The following NMRAL1 variants were observed in gnomAD, a reference collection of about 807,000 sequenced individuals.
NMRAL1 encodes nmrA-like family domain-containing protein 1.
In NMRAL1, 32 loss-of-function variants were observed where a neutral mutation model predicts 27.5. The ratio of observed to expected loss-of-function variants is 1.16; its 90% CI spans 0.88 to 1.56. NMRAL1 has a LOEUF of 1.56. NMRAL1 is among the 40% of genes most tolerant of loss of function. The pLI, the probability that NMRAL1 is intolerant of heterozygous loss-of-function variation, is 0.00. For synonymous variants in NMRAL1, 166 were observed against 166.8 expected (o/e 1.00, Z 0.04); for missense variants, 420 against 392.0 (o/e 1.07, Z -0.60).
At position 4,469,214 on chromosome 16, in the gene NMRAL1, T is replaced by G. The variant is rs970815075; in HGVS notation, c.279+13A>C. 6.3e-7 allele frequency: 1 copy of G among 1,598,700 alleles called. No homozygotes were observed. Among genetic ancestry groups the G allele is most frequent in the African/African-American group, 1.3e-5 (1 of 74,582 alleles). ...CCTGGCCGGGCCTCCCTGCAGCTCCTGCCTGCCCTCACCTGCTTGACCTCC... is the reference window on the plus strand; with the variant it reads ...CCTGGCCGGGCCTCCCTGCAGCTCCGGCCTGCCCTCACCTGCTTGACCTCC... On this transcript the variant is annotated intron_variant, in intron 3 of 5. Coordinates refer to ENST00000283429, the MANE Select transcript of NMRAL1 (RefSeq NM_020677.6).
intron 3 of NMRAL1, among the ~76,000 whole-genome samples, chr16:4,467,900 A>G (rs1430096953): frequency 6.6e-6 from 1 of 151,992 alleles, no homozygotes; most frequent in Non-Finnish European, 1.5e-5. Context: ...GATTACAAGC[A>G]TGAGCCACTG....
chr16:4,466,671 G>A (rs182585520), intron 3 of NMRAL1: 76 of 486,562 alleles, frequency 1.6e-4, no homozygotes, highest in African/African-American at 1.3e-3. Flanking sequence ...GCAGGGGGAC[G>A]GCCTGCATGG....
In NMRAL1 at chr16:4,461,805, T is replaced by G; in HGVS notation, c.875A>C (p.His292Pro). The G allele has an allele frequency of 6.2e-7, 1 of 1,613,950 alleles. No individual in the cohort carries two copies. The highest frequency in any genetic ancestry group is 8.5e-7 in the Non-Finnish European group (1 of 1,179,914). ...TCACAGCAGGTTGAAGTCCCCTTTG[T>G]GCTGTTCCAGCCACTGGTCCAGCGT... ...ALTLDQWLEQ[H>P]KGDFNLL The change falls in exon 6 of 6, where the codon CAC (histidine) becomes CCC (proline). Residue 292 changes from histidine to proline, a missense_variant. His to Pro is a moderately conservative substitution (Grantham distance 77). Coordinates refer to ENST00000283429, the MANE Select transcript of NMRAL1 (RefSeq NM_020677.6).
At chr16:4,469,765 G>A in intron 2 of NMRAL1, 1 of 363,960 alleles carries the variant, frequency 2.7e-6, no homozygotes, top group East Asian at 5.1e-5. Context: ...TACTCAGGAG[G>A]CTGAGGCACG....
rs775849892 is a variant in NMRAL1 at position 4,461,968 on chromosome 16, A to G, written c.721-9T>C. 2.5e-6 allele frequency: 4 copies of G among 1,607,418 alleles called. No homozygotes were observed. In the South Asian group the frequency reaches 4.4e-5, roughly 18 times the overall value. ...TAGTCCTCAGGAGTCATCTGGAAGC[A>G]GAGGAGCCTGTCGTGGCCGGCGTCC... On this transcript the variant is annotated splice_polypyrimidine_tract_variant and intron_variant, in intron 5 of 5. Coordinates refer to ENST00000283429, the MANE Select transcript of NMRAL1 (RefSeq NM_020677.6).
chr16:4,466,487 C>T (rs754612316), intron 3 of NMRAL1, 85 bp from the exon 4 acceptor site: 105 of 1,415,192 alleles, frequency 7.4e-5, no homozygotes, highest in Middle Eastern at 2.5e-4. Context: ...AATCCCGGAG[C>T]GGCCACCATC....
In NMRAL1 at chr16:4,473,195, C is replaced by G. The variant is rs1398704248; in HGVS notation, c.40+898G>C. 2.6e-5 allele frequency among the ~76,000 whole-genome samples: 4 copies of G among 151,940 alleles called. No individual in the cohort carries two copies. In the East Asian group the frequency reaches 7.7e-4, roughly 29 times the overall value. On this transcript the variant is annotated intron_variant, in intron 2 of 5. Coordinates refer to ENST00000283429, the MANE Select transcript of NMRAL1 (RefSeq NM_020677.6). ...TGTTGTTCAGGCTGGTCTCAAACAC[C>G]TCAGCTCAAGCGATCTGCCCATTTG...
Position 4,469,332 on chromosome 16 carries a change from G to A in NMRAL1, c.174C>T (p.Asp58=). The A allele has an allele frequency of 6.2e-7, 1 of 1,614,110 alleles. No individual in the cohort carries two copies. Among genetic ancestry groups the A allele is most frequent in the Non-Finnish European group, 8.5e-7 (1 of 1,179,960 alleles). The change falls in exon 3 of 6, where the codon GAC becomes GAT. Residue 58 remains aspartate, a synonymous_variant. Transcript: ENST00000283429. Reference sequence around the variant, plus strand: ...GCTCCATGATGACCTGGTCATCTTGGTCTCCCTGCACTACTTCTGCACCTT... The same window carrying A: ...GCTCCATGATGACCTGGTCATCTTGATCTCCCTGCACTACTTCTGCACCTT... ...RLQGAEVVQG[D]QDDQVIMELA... is the part of the protein sequence containing the mutation.
In NMRAL1 at chr16:4,469,448, C is replaced by T. The variant is rs77934295; in HGVS notation, c.58G>A (p.Val20Met). The T allele has an allele frequency of 2.1e-4, 340 of 1,613,816 alleles. 2 individuals carry two copies. The East Asian group carries it at 6.5e-3, about 31-fold the overall frequency. ...FGGTGAQGGS[V>M]ARTLLEDGTF... ...CCATCTTCCAGGAGTGTGCGGGCCA[C>T]GGAGCCACCCTGGGCACCTACAAAG... Residue 20 changes from valine (V) to methionine (M), a missense_variant, in exon 3 of 6, where the codon GTG (valine) becomes ATG (methionine). Coordinates refer to ENST00000283429, the MANE Select transcript of NMRAL1 (RefSeq NM_020677.6).
intron 4 of NMRAL1, among the ~76,000 whole-genome samples, chr16:4,465,295 T>A (rs1053904170): frequency 6.6e-6 from 1 of 152,288 alleles, no homozygotes; most frequent in Non-Finnish European, 1.5e-5. Flanking sequence ...AGGACTCCCA[T>A]GGGCTGGGCC....
At position 4,461,841 on chromosome 16, in the gene NMRAL1, G is replaced by C. The variant is rs1032205486; in HGVS notation, c.839C>G (p.Pro280Arg). The change falls in exon 6 of 6, where the codon CCC becomes CGC. Residue 280 changes from proline to arginine, a missense_variant. Transcript: ENST00000283429. Reference sequence around the variant, plus strand: ...CCACTGGTCCAGCGTCAGGGCCTTGGGGTTGAGTCTCAGGGTCAGCTCGAT... The same window carrying C: ...CCACTGGTCCAGCGTCAGGGCCTTGCGGTTGAGTCTCAGGGTCAGCTCGAT... ...RDIELTLRLNPKALTLDQWLE... is the reference protein window; with the variant it reads ...RDIELTLRLNRKALTLDQWLE... The C allele has an allele frequency of 6.2e-7, 1 of 1,614,236 alleles. No homozygotes were observed. Among genetic ancestry groups the C allele is most frequent in the Non-Finnish European group, 8.5e-7 (1 of 1,180,040 alleles).
At chr16:4,470,879 G>A (rs1466384247) in intron 2 of NMRAL1, among the ~76,000 whole-genome samples, 2 of 151,256 alleles carry the variant, frequency 1.3e-5, no homozygotes, top group Non-Finnish European at 3.0e-5. Context: ...CCCAGGAGGT[G>A]GAGCTTGCAG....
chr16:4,462,038 G>T, intron 5 of NMRAL1, 79 bp from the exon 6 acceptor site: 1 of 1,221,536 alleles, frequency 8.2e-7, no homozygotes, highest in South Asian at 1.4e-5. Flanking sequence ...CGGATGGGCT[G>T]GGGTCTCCCG....
In NMRAL1 at chr16:4,474,224, A is replaced by T. The variant is rs564083003; in HGVS notation, c.-34-58T>A. On this transcript the variant is annotated intron_variant, in intron 1 of 5. Transcript: ENST00000283429. ...GGGGCCGGGGTTCCCGCCAGGAGCG[A>T]CAAAGGACACCCCCATTGTCTATGC... is the stretch of plus-strand genomic sequence containing the variant. The T allele has an allele frequency of 4.0e-4, 515 of 1,279,644 alleles. 1 individual carries two copies. In the African/African-American group the frequency reaches 6.7e-3, roughly 17 times the overall value. The allele number at this position is 1,279,644 out of a possible 1,614,324, so 79.3% of individuals were successfully genotyped here.
chr16:4,466,546 C>T (rs1348121074), intron 3 of NMRAL1, 144 bp from the exon 4 acceptor site: 1 of 725,590 alleles, frequency 1.4e-6, no homozygotes, highest in African/African-American at 1.8e-5. Context: ...GGCCCCCTCT[C>T]CTGGAATGAT....
At chr16:4,465,385 ACT>A (rs1344749203) in intron 4 of NMRAL1, among the ~76,000 whole-genome samples, 6 of 152,250 alleles carry the variant, frequency 3.9e-5, no homozygotes, top group Admixed American at 3.9e-4. Context: ...TGCCCTGATC[ACT>A]GAGTGACCAG....
intron 2 of NMRAL1, among the ~76,000 whole-genome samples, chr16:4,470,135 C>A (rs1357386675): frequency 7.5e-6 from 1 of 133,796 alleles, no homozygotes; most frequent in Non-Finnish European, 1.5e-5. Flanking sequence ...GCACTCCAGC[C>A]TGGGTGACAA....
chr16:4,464,630 T>TC (rs2057246458), intron 4 of NMRAL1, among the ~76,000 whole-genome samples: 2 of 149,968 alleles, frequency 1.3e-5, no homozygotes, highest in African/African-American at 4.9e-5. Flanking sequence ...TTTTTTTTTT[T>TC]TTGAGATGGA....
At position 4,466,260 on chromosome 16, in the gene NMRAL1, C is replaced by A; in HGVS notation, c.422G>T (p.Arg141Leu). The A allele has an allele frequency of 6.2e-7, 1 of 1,614,098 alleles. No individual in the cohort carries two copies. Among genetic ancestry groups the A allele is most frequent in the Non-Finnish European group, 8.5e-7 (1 of 1,180,032 alleles). ...ACTGGTCATGGGAACGCCAATGTCC[C>A]GGAAATATTCCTCCACCTCCCCTTT... Reference protein sequence around the residue: ...DGKGEVEEYFRDIGVPMTSVR... With the variant: ...DGKGEVEEYFLDIGVPMTSVR... The change falls in exon 4 of 6, where the codon CGG (arginine) becomes CTG (leucine). Residue 141 changes from arginine to leucine, a missense_variant. Transcript: ENST00000283429.
Sources: gnomAD v4.1 joint callset for allele counts (sites outside exome capture counted in the v4.1 genomes callset) on GRCh38, gnomAD v4.1.1 for gene constraint, MANE v1.5 for transcripts, NCBI Gene and HGNC (gene_info 2026-07-23, HGNC 2026-07-21) for gene names.